PLPP7: variants seen among roughly 807,000 people sequenced by gnomAD.
PLPP7 encodes the protein phospholipid phosphatase 7 (inactive).
PLPP7 carries 11 observed loss-of-function variants against 16.9 expected under a neutral mutation model. The observed-to-expected ratio is 0.65, with a 90% CI of 0.41 to 1.08. PLPP7 has a LOEUF of 1.08. PLPP7 is among the 50% of genes least tolerant of loss of function. The pLI, the probability that PLPP7 is intolerant of heterozygous loss-of-function variation, is 0.00. For synonymous variants in PLPP7, 174 were observed against 175.1 expected (o/e 0.99, Z 0.05); for missense variants, 358 against 397.1 (o/e 0.90, Z 0.84).
chr9:131,298,991 G>T (rs1835766688), intron 1 of PLPP7, among the ~76,000 whole-genome samples: 1 of 152,008 alleles, frequency 6.6e-6, no homozygotes, highest in Admixed American at 6.6e-5. Context: ...AAGAGCGTGA[G>T]GGGTGGTGGA....
chr9:131,296,333 G>A (rs889291152), intron 1 of PLPP7, among the ~76,000 whole-genome samples: 5 of 152,030 alleles, frequency 3.3e-5, no homozygotes, highest in Non-Finnish European at 7.4e-5. Context: ...ATGCGATCTC[G>A]GTTCACTGCA....
chr9:131,303,437 CTT>C (rs776512717), intron 1 of PLPP7, among the ~76,000 whole-genome samples: 1 of 147,850 alleles, frequency 6.8e-6, no homozygotes, highest in African/African-American at 2.5e-5. Context: ...TAAACTCTAA[CTT>C]TTGTTTTCTG....
chr9:131,298,284 T>C (rs1835757398), intron 1 of PLPP7, among the ~76,000 whole-genome samples: 1 of 152,110 alleles, frequency 6.6e-6, no homozygotes, highest in African/African-American at 2.4e-5. Context: ...CTGGGCAGTA[T>C]ATGGCTGGCT....
At chr9:131,297,764 G>A (rs12351113) in intron 1 of PLPP7, among the ~76,000 whole-genome samples, 1,524 of 152,340 alleles carry the variant, frequency 0.01, 17 homozygotes, top group African/African-American at 0.035. Flanking sequence ...AGAATTACAA[G>A]AAGTCAGTAA....
chr9:131,293,026 G>T (rs1260803756), intron 1 of PLPP7: 1 of 901,038 alleles, frequency 1.1e-6, no homozygotes, highest in East Asian at 1.2e-4. Context: ...CAAAGACAAT[G>T]GCATGAACGG....
chr9:131,304,823 C>T (rs1475003079), intron 1 of PLPP7, among the ~76,000 whole-genome samples: 1 of 152,220 alleles, frequency 6.6e-6, no homozygotes, highest in Non-Finnish European at 1.5e-5. Flanking sequence ...AGCGAACCCT[C>T]ACCTCCCAAC....
intron 1 of PLPP7, among the ~76,000 whole-genome samples, chr9:131,307,017 G>A (rs560777754): frequency 6.6e-6 from 1 of 152,052 alleles, no homozygotes; most frequent in Admixed American, 6.6e-5. Context: ...GGCTGAGGCG[G>A]GCAGGTCACC....
intron 1 of PLPP7, among the ~76,000 whole-genome samples, chr9:131,302,245 C>G (rs1253544445): frequency 6.6e-6 from 1 of 152,170 alleles, no homozygotes; most frequent in East Asian, 1.9e-4. Context: ...AACCCCCTCC[C>G]CATGAACTGC....
rs1256036949 is a variant in PLPP7, at chr9:131,289,949, C to A, written c.-49C>A. 2 of 1,362,010 alleles carry A rather than the reference C, an allele frequency of 1.5e-6. No individual in the cohort carries two copies. Among genetic ancestry groups the A allele is most frequent in the Admixed American group, 3.2e-5 (1 of 30,934 alleles). 84.4% of individuals were successfully genotyped at this position (1,362,010 alleles called of 1,614,324 possible). ...GCAGCTCTTGTCTTCGGGGAGAAGG[C>A]CCTTGGAGCCGGGCTGGCATCGGCC... On this transcript the variant is annotated 5_prime_UTR_variant, in exon 1 of 2. Transcript: ENST00000372264.
At position 131,299,394 on chromosome 9, in the gene PLPP7, C is replaced by T. The variant is rs549175426; in HGVS notation, c.452-8529C>T. On this transcript the variant is annotated intron_variant, in intron 1 of 1. Transcript: ENST00000372264. ...GGTCGACTGGACAGGGCCATGTGGG[C>T]GGAATCAGCCTTGAGTGATGGTGCC... Among the ~76,000 whole-genome samples, 20 of 152,286 alleles carry T rather than the reference C, an allele frequency of 1.3e-4. No individual in the cohort carries two copies. The South Asian group carries it at 2.9e-3, about 22-fold the overall frequency.
chr9:131,291,519 A>T, intron 1 of PLPP7: 5 of 479,390 alleles, frequency 1.0e-5, no homozygotes, highest in Admixed American at 5.9e-5. Flanking sequence ...TTCATGCAGG[A>T]GATGGCTGGG....
At chr9:131,303,056 G>T (rs1266475039) in intron 1 of PLPP7, among the ~76,000 whole-genome samples, 1 of 152,218 alleles carries the variant, frequency 6.6e-6, no homozygotes, top group East Asian at 1.9e-4. Context: ...CAAAGGCCGG[G>T]CACGGTGGCT....
chr9:131,294,752 C>T (rs903142241), intron 1 of PLPP7, among the ~76,000 whole-genome samples: 6 of 151,238 alleles, frequency 4.0e-5, no homozygotes, highest in African/African-American at 1.5e-4. Context: ...CTCACTGCAA[C>T]CTCCGCCTCC....
chr9:131,290,179 A>C lies in PLPP7; in HGVS notation c.182A>C (p.Gln61Pro). Reference sequence around the variant, plus strand: ...GGTGACGGGGCCAGAGAGCGACGCCAGTCACAGCAGCTGCCAGAGGAGGAC... The same window carrying C: ...GGTGACGGGGCCAGAGAGCGACGCCCGTCACAGCAGCTGCCAGAGGAGGAC... ...PAGDGARERR[Q>P]SQQLPEEDCM... Residue 61 changes from glutamine to proline, a missense_variant, in exon 1 of 2, where the codon CAG becomes CCG. Gln to Pro is a moderately conservative substitution (Grantham distance 76). Transcript: ENST00000372264. This position sits in a 1 kb window ranked among gnomAD's most constrained non-coding sequence, Gnocchi z 4.2. 1 of 1,586,332 alleles carries C rather than the reference A, an allele frequency of 6.3e-7. No individual in the cohort carries two copies. The highest frequency in any genetic ancestry group is 8.6e-7 in the Non-Finnish European group (1 of 1,162,986).
At position 131,290,564 on chromosome 9, in the gene PLPP7, T is replaced by G; in HGVS notation, c.451+116T>G. On this transcript the variant is annotated intron_variant, in intron 1 of 1. Coordinates refer to ENST00000372264, the MANE Select transcript of PLPP7 (RefSeq NM_032728.4). This position sits in a 1 kb window ranked among gnomAD's most constrained non-coding sequence, Gnocchi z 4.2. ...CCCTCAGAAACCGGCTGGGATGGTC[T>G]AATGAGGTTAGGCAGGAAGGGTGCC... 8.8e-6 allele frequency: 9 copies of G among 1,022,672 alleles called. 1 individual carries two copies. Among genetic ancestry groups the G allele is most frequent in the Non-Finnish European group, 1.2e-5 (9 of 737,678 alleles). 63.3% of individuals were successfully genotyped at this position (1,022,672 alleles called of 1,614,324 possible). A position where few individuals can be genotyped will look rare whatever the true frequency, so the allele number is the denominator to read the frequency against.
chr9:131,305,166 C>T (rs1042757164), intron 1 of PLPP7, among the ~76,000 whole-genome samples: 13 of 152,202 alleles, frequency 8.5e-5, no homozygotes, highest in African/African-American at 3.1e-4. Flanking sequence ...AACAGGCACT[C>T]GGCAAACACT....
intron 1 of PLPP7, among the ~76,000 whole-genome samples, chr9:131,292,044 A>C (rs764927534): frequency 2.6e-5 from 4 of 152,250 alleles, no homozygotes; most frequent in Non-Finnish European, 5.9e-5. Flanking sequence ...TCAGGGCTTG[A>C]GATTTGCACT....
At chr9:131,304,275 A>G (rs1426156902) in intron 1 of PLPP7, among the ~76,000 whole-genome samples, 1 of 152,172 alleles carries the variant, frequency 6.6e-6, no homozygotes, top group Non-Finnish European at 1.5e-5. Context: ...CAGCCCCCCA[A>G]GGCCACACAG....
rs1482788984 is a variant in PLPP7 at position 131,308,439 on chromosome 9, C to T, written c.*152C>T. The T allele has an allele frequency of 5.5e-6, 7 of 1,266,892 alleles. No homozygotes were observed. Among genetic ancestry groups the T allele is most frequent in the Admixed American group, 2.9e-5 (1 of 34,810 alleles). The allele number at this position is 1,266,892 out of a possible 1,614,324, so 78.5% of individuals were successfully genotyped here. On this transcript the variant is annotated 3_prime_UTR_variant, in exon 2 of 2. Coordinates refer to ENST00000372264, the MANE Select transcript of PLPP7 (RefSeq NM_032728.4). ...TCTTCCCCTCCTGGCTGGAGGCTGG[C>T]GAACCCAGGCCACCCCTCCCGGAGA...
Sources: gnomAD v4.1 joint callset for allele counts (sites outside exome capture counted in the v4.1 genomes callset) on GRCh38, gnomAD v4.1.1 for gene constraint, Gnocchi (gnomAD v3.1) non-coding constraint, MANE v1.5 for transcripts, NCBI Gene and HGNC (gene_info 2026-07-23, HGNC 2026-07-21) for gene names.